NCKAP5: variants seen among roughly 807,000 people sequenced by gnomAD.
The protein encoded by NCKAP5 is NCK associated protein 5.
A neutral mutation model predicts 167.0 loss-of-function variants in NCKAP5; 92 were observed. The ratio of observed to expected loss-of-function variants is 0.55; its 90% CI spans 0.47 to 0.66. The LOEUF (loss-of-function observed/expected upper bound fraction) is 0.66. NCKAP5 is among the 30% of genes least tolerant of loss of function. The pLI, the probability that NCKAP5 is intolerant of heterozygous loss-of-function variation, is 0.00. For synonymous variants in NCKAP5, 891 were observed against 877.4 expected, an observed-to-expected ratio of 1.02 and a Z score of -0.27; for missense variants, 2,378 against 2,315.0, an observed-to-expected ratio of 1.03 and a Z score of -0.56.
At chr2:133,662,622 T>C in the NCKAP5 span, among the ~76,000 whole-genome samples, 4 of 140,512 alleles carry the variant, frequency 2.8e-5, no homozygotes, top group South Asian at 1.1e-3. Flanking sequence ...GTAATTGCGG[T>C]TTTGAAAGTA....
chr2:133,184,463 A>T (rs2084860578), intron 5 of NCKAP5, among the ~76,000 whole-genome samples: 1 of 152,128 alleles, frequency 6.6e-6, no homozygotes, highest in Admixed American at 6.5e-5. Flanking sequence ...AACAATTTAT[A>T]TTCCTTTGGG....
At chr2:133,492,632 T>G (rs1176753749) in intron 3 of NCKAP5, among the ~76,000 whole-genome samples, 6 of 152,200 alleles carry the variant, frequency 3.9e-5, no homozygotes, top group Non-Finnish European at 8.8e-5. Context: ...TTTCCTCATC[T>G]ATAAAATAGG....
At chr2:132,699,888 C>A (rs1248043606) in intron 19 of NCKAP5, among the ~76,000 whole-genome samples, 4 of 152,156 alleles carry the variant, frequency 2.6e-5, no homozygotes, top group African/African-American at 9.7e-5. Context: ...AGTTCTAGAT[C>A]CCTGAGGAAT....
Position 132,970,191 on chromosome 2 carries a change from T to C in NCKAP5, c.430-6322A>G, listed in dbSNP as rs142675060. 4.0e-3 allele frequency among the ~76,000 whole-genome samples: 602 copies of C among 152,294 alleles called. 2 individuals carry two copies. The highest frequency in any genetic ancestry group is 0.013 in the African/African-American group (561 of 41,568). ...AGTATTTTTTAAAAAATCAAGTGTA[T>C]GGGTTCTATCCAAAAATAAATAACT... On this transcript the variant is annotated intron_variant, in intron 7 of 19. Transcript: ENST00000409261.
intron 3 of NCKAP5, among the ~76,000 whole-genome samples, chr2:133,330,755 T>C (rs1043168960): frequency 6.6e-6 from 1 of 151,958 alleles, no homozygotes; most frequent in Non-Finnish European, 1.5e-5. Flanking sequence ...AATTAGCCAG[T>C]TGTGGTCGTG....
At chr2:133,525,925 C>T (rs1684832917) in intron 2 of NCKAP5, among the ~76,000 whole-genome samples, 1 of 151,980 alleles carries the variant, frequency 6.6e-6, no homozygotes, top group South Asian at 2.1e-4. Context: ...CTCTAGTTTC[C>T]TCACTGATAA....
At chr2:133,204,542 G>A (rs778704605) in intron 5 of NCKAP5, among the ~76,000 whole-genome samples, 12 of 152,246 alleles carry the variant, frequency 7.9e-5, no homozygotes, top group Non-Finnish European at 1.6e-4. Flanking sequence ...GTCCTCCTGA[G>A]GGGCCTTGAA....
At position 133,538,965 on chromosome 2, in the gene NCKAP5, G is replaced by T. The variant is rs576329564; in HGVS notation, c.-62+20085C>A. The stretch of plus-strand genomic sequence containing the variant: ...TTTTTTTTTTTTTTTTTTTGAGACG[G>T]AGTCTCACTCTGTCGCCCAGGCTGG... On this transcript the variant is annotated intron_variant, in intron 2 of 19. Coordinates refer to ENST00000409261, the MANE Select transcript of NCKAP5 (RefSeq NM_207363.3). Among the ~76,000 whole-genome samples the T allele has an allele frequency of 3.9e-3, 503 of 128,908 alleles. 1 individual carries two copies. The highest frequency in any genetic ancestry group is 0.024 in the Middle Eastern group (5 of 210). The allele number at this position is 128,908 out of a possible 152,430, so 84.6% of individuals were successfully genotyped here.
At chr2:133,170,924 G>A (rs1481425389) in intron 5 of NCKAP5, among the ~76,000 whole-genome samples, 1 of 151,444 alleles carries the variant, frequency 6.6e-6, no homozygotes, top group Non-Finnish European at 1.5e-5. Context: ...CCTTCTCCTG[G>A]TTTACTCAGG....
rs962794864 is a variant in NCKAP5, at chr2:133,540,591, A to G, written c.-62+18459T>C. Among the ~76,000 whole-genome samples, 5 of 152,334 alleles carry G rather than the reference A, an allele frequency of 3.3e-5. 1 individual carries two copies. The highest frequency in any genetic ancestry group is 2.0e-4 in the Admixed American group (3 of 15,302). The stretch of plus-strand genomic sequence containing the variant: ...AGAATATAGGAGATTGCAGTAAGCA[A>G]AGACATGGATCAAACATGTTTATAA... On this transcript the variant is annotated intron_variant, in intron 2 of 19. Coordinates refer to ENST00000409261, the MANE Select transcript of NCKAP5 (RefSeq NM_207363.3).
At chr2:132,814,731 CTG>C (rs1686132450) in intron 11 of NCKAP5, among the ~76,000 whole-genome samples, 1 of 152,186 alleles carries the variant, frequency 6.6e-6, no homozygotes, top group African/African-American at 2.4e-5. Context: ...AAAGATGAGA[CTG>C]TAACATCTCA....
chr2:133,066,666 C>G (rs140672071), intron 6 of NCKAP5, among the ~76,000 whole-genome samples: 1 of 152,074 alleles, frequency 6.6e-6, no homozygotes, highest in Admixed American at 6.6e-5. Context: ...AAATGTACAC[C>G]CCCTAGCATA....
At chr2:133,163,662 T>C (rs1299467155) in intron 5 of NCKAP5, among the ~76,000 whole-genome samples, 1 of 152,220 alleles carries the variant, frequency 6.6e-6, no homozygotes, top group East Asian at 1.9e-4. Context: ...TATGCGTTCT[T>C]GTAAAGGTGC....
chr2:132,820,374 T>C (rs1284723844), intron 11 of NCKAP5, among the ~76,000 whole-genome samples: 1 of 151,730 alleles, frequency 6.6e-6, no homozygotes, highest in East Asian at 1.9e-4. Context: ...GGACTACAGG[T>C]GCCCGCCACC....
the NCKAP5 span, among the ~76,000 whole-genome samples, chr2:133,637,436 C>A: frequency 1.6e-5 from 1 of 62,748 alleles, no homozygotes; most frequent in Non-Finnish European, 3.0e-5. Flanking sequence ...ATAAAAATCA[C>A]AAGAGTAGAC....
At chr2:133,451,490 T>C (rs906770230) in intron 3 of NCKAP5, among the ~76,000 whole-genome samples, 3 of 152,234 alleles carry the variant, frequency 2.0e-5, no homozygotes, top group Non-Finnish European at 4.4e-5. Context: ...AAATCTTGTC[T>C]GTCTTCTAAC....
intron 19 of NCKAP5, among the ~76,000 whole-genome samples, chr2:132,716,664 A>C (rs956086279): frequency 6.6e-6 from 1 of 151,964 alleles, no homozygotes; most frequent in Non-Finnish European, 1.5e-5. Context: ...TTCCCTCAAA[A>C]TGTCTCATTA....
At chr2:133,339,922 G>C (rs376171495) in intron 3 of NCKAP5, among the ~76,000 whole-genome samples, 2 of 152,130 alleles carry the variant, frequency 1.3e-5, no homozygotes, top group African/African-American at 4.8e-5. Flanking sequence ...ACCTTTGTGC[G>C]GTCTTTGGTT....
intron 5 of NCKAP5, among the ~76,000 whole-genome samples, chr2:133,172,130 A>G (rs2084274952): frequency 1.3e-5 from 2 of 152,350 alleles, no homozygotes; most frequent in East Asian, 1.9e-4. Context: ...CATTAAGCCA[A>G]AAATGTAGAT....
Sources: allele counts gnomAD v4.1 joint callset (sites outside exome capture counted in the v4.1 genomes callset), GRCh38; gene constraint gnomAD v4.1.1; transcripts MANE v1.5; gene names NCBI Gene and HGNC (gene_info 2026-07-23, HGNC 2026-07-21).